The following NAALADL2 variants were observed in gnomAD, a reference collection of about 807,000 sequenced individuals.
NAALADL2 encodes N-acetylated alpha-linked acidic dipeptidase like 2.
In NAALADL2, 76 loss-of-function variants were observed where a neutral mutation model predicts 87.2. The ratio of observed to expected loss-of-function variants is 0.87; its 90% CI spans 0.72 to 1.05. The LOEUF is 1.05. Among genes scored for constraint, NAALADL2 ranks in the 50% least tolerant of loss-of-function variants. The pLI is 0.00. For synonymous variants in NAALADL2, 354 were observed against 331.0 expected (o/e 1.07, Z -0.75); for missense variants, 1,089 against 945.8 (o/e 1.15, Z -1.99).
intron 9 of NAALADL2, among the ~76,000 whole-genome samples, chr3:175,472,996 G>C (rs1725119150): frequency 6.6e-6 from 1 of 151,992 alleles, no homozygotes; most frequent in African/African-American, 2.4e-5. Flanking sequence ...AAATAGAGGA[G>C]GGTTGGTTTA....
chr3:175,321,658 T>C (rs1759884338), intron 4 of NAALADL2, among the ~76,000 whole-genome samples: 1 of 97,894 alleles, frequency 1.0e-5, no homozygotes, highest in Non-Finnish European at 1.9e-5. Flanking sequence ...ACAAAATCAA[T>C]GTACAAAAAT....
intron 9 of NAALADL2, among the ~76,000 whole-genome samples, chr3:175,472,777 T>G (rs1725089769): frequency 6.6e-6 from 1 of 152,176 alleles, no homozygotes; most frequent in East Asian, 1.9e-4. Flanking sequence ...ACATTTAAAA[T>G]CAGCCAATCC....
chr3:175,106,187 C>A (rs9290532), intron 2 of NAALADL2, among the ~76,000 whole-genome samples: 19,454 of 151,408 alleles, frequency 0.13, 1,425 homozygotes, highest in African/African-American at 0.2. Context: ...TCCTTTTCTT[C>A]ATCTTTTTTA....
intron 5 of NAALADL2, among the ~76,000 whole-genome samples, chr3:175,366,823 G>T (rs1455912682): frequency 6.6e-6 from 1 of 151,846 alleles, no homozygotes; most frequent in Non-Finnish European, 1.5e-5. Context: ...TGTTCACTCT[G>T]TTGGTAGTTT....
At chr3:175,688,796 G>A (rs1228166557) in intron 11 of NAALADL2, among the ~76,000 whole-genome samples, 1 of 152,142 alleles carries the variant, frequency 6.6e-6, no homozygotes, top group Non-Finnish European at 1.5e-5. Context: ...GGTACCTGAA[G>A]AGAAGCTCTG....
At chr3:175,491,330 A>G (rs1021409513) in intron 9 of NAALADL2, among the ~76,000 whole-genome samples, 6 of 151,554 alleles carry the variant, frequency 4.0e-5, no homozygotes, top group African/African-American at 9.7e-5. Context: ...ATTGGATTTT[A>G]TTTATATTGA....
intron 9 of NAALADL2, among the ~76,000 whole-genome samples, chr3:175,497,602 T>C (rs1260508403): frequency 6.6e-6 from 1 of 152,126 alleles, no homozygotes; most frequent in Non-Finnish European, 1.5e-5. Flanking sequence ...TGACTGACAA[T>C]AGATAGATTA....
chr3:175,237,072 T>C (rs1310592479), intron 3 of NAALADL2, among the ~76,000 whole-genome samples: 2 of 152,128 alleles, frequency 1.3e-5, no homozygotes, highest in African/African-American at 2.4e-5. Flanking sequence ...TGTAAAATAA[T>C]TTTTTAGTTT....
At chr3:174,790,408 G>T (rs779376670) in intron 3 of NAALADL2, among the ~76,000 whole-genome samples, 9 of 152,048 alleles carry the variant, frequency 5.9e-5, no homozygotes, top group Non-Finnish European at 1.3e-4. Flanking sequence ...CTAGCACTTT[G>T]GGAGGCTGAG....
intron 9 of NAALADL2, among the ~76,000 whole-genome samples, chr3:175,566,853 G>C (rs1200821535): frequency 6.6e-6 from 1 of 151,956 alleles, no homozygotes; most frequent in Non-Finnish European, 1.5e-5. Context: ...TTTCATTCAT[G>C]TTTGTTTATG....
chr3:174,815,643 G>A (rs1405376052), intron 3 of NAALADL2, among the ~76,000 whole-genome samples: 2 of 152,038 alleles, frequency 1.3e-5, no homozygotes, highest in Non-Finnish European at 2.9e-5. Flanking sequence ...ATTGGTTTAT[G>A]TAAATATTTG....
chr3:175,350,924 C>T (rs1560411596), intron 5 of NAALADL2, among the ~76,000 whole-genome samples: 6 of 151,850 alleles, frequency 4.0e-5, no homozygotes, highest in Non-Finnish European at 8.8e-5. Flanking sequence ...CACATACATA[C>T]AAATTATCCT....
At chr3:174,857,291 A>G (rs1206760784), upstream of NAALADL2, among the ~76,000 whole-genome samples, 1 of 152,192 alleles carries the variant, frequency 6.6e-6, no homozygotes, top group Non-Finnish European at 1.5e-5. Flanking sequence ...ATGGCACTTT[A>G]TTAGTATTGC....
At chr3:175,374,553 G>GAAAA (rs765485400) in intron 5 of NAALADL2, among the ~76,000 whole-genome samples, 694 of 45,410 alleles carry the variant, frequency 0.015, 2 homozygotes, top group Non-Finnish European at 0.021. Flanking sequence ...TGCATCTCCA[G>GAAAA]AAAAAAAAAA....
chr3:175,429,176 TACACACACAC>T lies in NAALADL2; in HGVS notation c.1091-18027_1091-18018del, dbSNP rs749991023. Among the ~76,000 whole-genome samples, 452 of 125,634 alleles carry T rather than the reference TACACACACAC, an allele frequency of 3.6e-3. 3 individuals are homozygous for T. Among genetic ancestry groups the T allele is most frequent in the African/African-American group, 0.011 (392 of 36,292 alleles). The allele number at this position is 125,634 out of a possible 152,430, so 82.4% of individuals were successfully genotyped here. On this transcript the variant is annotated intron_variant, in intron 5 of 13. Coordinates refer to ENST00000454872, the MANE Select transcript of NAALADL2 (RefSeq NM_207015.3). ...TCTGGACTATAGTAATATATATATG[TACACACACAC>T]ACACACACACACACACACACACACA... is the stretch of plus-strand genomic sequence containing the variant.
chr3:174,477,757 A>G (rs1489392920), intron 1 of NAALADL2, among the ~76,000 whole-genome samples: 1 of 152,208 alleles, frequency 6.6e-6, no homozygotes, highest in Non-Finnish European at 1.5e-5. Context: ...CTGGGGAAGG[A>G]TTAAAACTGG....
At chr3:174,920,635 A>C (rs187700562) in intron 1 of NAALADL2, among the ~76,000 whole-genome samples, 1 of 152,138 alleles carries the variant, frequency 6.6e-6, no homozygotes, top group Non-Finnish European at 1.5e-5. Flanking sequence ...TTGCTTTGCT[A>C]TCATTCCTAT....
At chr3:175,220,237 A>G (rs888951525) in intron 2 of NAALADL2, among the ~76,000 whole-genome samples, 1 of 151,890 alleles carries the variant, frequency 6.6e-6, no homozygotes, top group African/African-American at 2.4e-5. Flanking sequence ...TGCCTCATAA[A>G]AAGTTTTGGA....
At chr3:175,467,212 T>C (rs1201112921) in intron 8 of NAALADL2, 28 bp downstream of exon 8, 7 of 1,568,084 alleles carry the variant, frequency 4.5e-6, no homozygotes, top group Non-Finnish European at 6.1e-6. Context: ...TTAATTACAG[T>C]GCTTTTCTTT....
Sources: gnomAD v4.1 joint callset for allele counts (sites outside exome capture counted in the v4.1 genomes callset) on GRCh38, gnomAD v4.1.1 for gene constraint, MANE v1.5 for transcripts, NCBI Gene and HGNC (gene_info 2026-07-23, HGNC 2026-07-21) for gene names.